CDH13: variants seen among roughly 807,000 people sequenced by gnomAD.
CDH13 encodes the protein cadherin-13.
In CDH13, 24 loss-of-function variants were observed where a neutral mutation model predicts 63.8. The ratio of observed to expected loss-of-function variants is 0.38; its 90% CI spans 0.27 to 0.53. The LOEUF is 0.53. Ranked by LOEUF, CDH13 falls within the 20% of genes least tolerant of loss-of-function variation. The pLI is 0.85. For missense variants in CDH13, 1,049 were observed against 903.1 expected, an observed-to-expected ratio of 1.16 and a Z score of -2.07; for synonymous variants, 503 against 355.3, an observed-to-expected ratio of 1.42 and a Z score of -4.67.
rs1261690451 is a variant in CDH13 at position 83,798,403 on chromosome 16, T to C, written c.*3373T>C. The C allele has an allele frequency of 6.6e-6, 1 of 152,234 alleles. No individual in the cohort carries two copies. The highest frequency in any genetic ancestry group is 2.4e-5 in the African/African-American group (1 of 41,472). The allele number at this position is 152,234 out of a possible 1,614,324, so 9.4% of individuals were successfully genotyped here. On this transcript the variant is annotated 3_prime_UTR_variant, in exon 14 of 14. Coordinates refer to ENST00000567109, the MANE Select transcript of CDH13 (RefSeq NM_001257.5). Reference sequence around the variant, plus strand: ...AAAAGGTGATTAATAATTATAATAATGGTTTATATTTATCAACTGCTTATT... The same window carrying C: ...AAAAGGTGATTAATAATTATAATAACGGTTTATATTTATCAACTGCTTATT...
chr16:82,779,195 C>T (rs1045582118), intron 1 of CDH13, among the ~76,000 whole-genome samples: 5 of 152,170 alleles, frequency 3.3e-5, no homozygotes, highest in African/African-American at 1.2e-4. Context: ...CAAATTTACT[C>T]CTTAGAAGCT....
intron 10 of CDH13, among the ~76,000 whole-genome samples, chr16:83,679,454 T>G (rs1915226302): frequency 6.6e-6 from 1 of 152,244 alleles, no homozygotes; most frequent in Non-Finnish European, 1.5e-5. Context: ...CAACAGGGAC[T>G]GAGTCAACCA....
chr16:83,653,899 T>G (rs1567485755), intron 8 of CDH13, among the ~76,000 whole-genome samples: 1 of 152,176 alleles, frequency 6.6e-6, no homozygotes, highest in Admixed American at 6.5e-5. Flanking sequence ...CATAAATATT[T>G]GTGGAATGTA....
At chr16:83,772,963 A>G (rs1442608356) in intron 11 of CDH13, 5 of 152,228 alleles carry the variant, frequency 3.3e-5, no homozygotes, top group Non-Finnish European at 5.9e-5. Context: ...GAAACAAACA[A>G]TGGGACGATT....
At chr16:83,320,824 C>G (rs904043570) in intron 5 of CDH13, among the ~76,000 whole-genome samples, 1 of 152,172 alleles carries the variant, frequency 6.6e-6, no homozygotes, top group South Asian at 2.1e-4. Context: ...CCCATTAGAT[C>G]TCTGGCTTAG....
chr16:82,987,076 T>C (rs1911036449), intron 2 of CDH13, among the ~76,000 whole-genome samples: 1 of 152,110 alleles, frequency 6.6e-6, no homozygotes, highest in African/African-American at 2.4e-5. Flanking sequence ...ACTCAGGAAA[T>C]GTTTATGGAG....
intron 8 of CDH13, among the ~76,000 whole-genome samples, chr16:83,668,285 C>T (rs556304748): frequency 2.6e-4 from 40 of 152,324 alleles, no homozygotes; most frequent in Middle Eastern, 3.4e-3. Flanking sequence ...GTGCACCTAG[C>T]ACCATGCAAG....
chr16:82,871,353 C>T (rs1449280539), intron 2 of CDH13, among the ~76,000 whole-genome samples: 2 of 152,076 alleles, frequency 1.3e-5, no homozygotes, highest in Non-Finnish European at 2.9e-5. Context: ...GGAGCCATTT[C>T]AGAAGTCCTG....
chr16:82,815,702 T>C (rs923690034), intron 1 of CDH13, among the ~76,000 whole-genome samples: 1 of 152,164 alleles, frequency 6.6e-6, no homozygotes, highest in Non-Finnish European at 1.5e-5. Flanking sequence ...TCCTCTACCA[T>C]GAAGAACAGT....
At chr16:82,907,278 C>T (rs1254008237) in intron 2 of CDH13, among the ~76,000 whole-genome samples, 8 of 152,100 alleles carry the variant, frequency 5.3e-5, no homozygotes, top group South Asian at 2.1e-4. Context: ...GAAGGGGTGG[C>T]CCACAGTGAC....
chr16:83,150,089 G>A (rs981702308), intron 4 of CDH13, among the ~76,000 whole-genome samples: 1 of 152,142 alleles, frequency 6.6e-6, no homozygotes, highest in East Asian at 1.9e-4. Context: ...AGATAAGAGA[G>A]GTTTGTAAGC....
chr16:83,306,886 G>A (rs773350157), intron 5 of CDH13, among the ~76,000 whole-genome samples: 3 of 152,152 alleles, frequency 2.0e-5, no homozygotes, highest in Non-Finnish European at 4.4e-5. Flanking sequence ...ATAGCAACAC[G>A]AAATGGGCTA....
intron 4 of CDH13, among the ~76,000 whole-genome samples, chr16:83,140,842 C>T (rs948413339): frequency 6.6e-6 from 1 of 152,198 alleles, no homozygotes; most frequent in Non-Finnish European, 1.5e-5. Context: ...GTTTCTCCCT[C>T]CTGGGAACGG....
intron 3 of CDH13, among the ~76,000 whole-genome samples, chr16:83,068,514 C>G (rs1025331039): frequency 6.6e-6 from 1 of 152,152 alleles, no homozygotes; most frequent in Non-Finnish European, 1.5e-5. Context: ...GTACAATTCT[C>G]ACACTCGTTG....
intron 1 of CDH13, among the ~76,000 whole-genome samples, chr16:82,698,625 A>G (rs1174499437): frequency 6.6e-6 from 1 of 152,200 alleles, no homozygotes; most frequent in Non-Finnish European, 1.5e-5. Flanking sequence ...GCTCAATTCT[A>G]CAGGTGATTT....
chr16:82,695,895 C>A (rs182361725), intron 1 of CDH13, among the ~76,000 whole-genome samples: 397 of 152,284 alleles, frequency 2.6e-3, no homozygotes, highest in African/African-American at 9.0e-3. Flanking sequence ...TCAACCATAA[C>A]CCATTTAAAG....
At chr16:82,903,851 G>T (rs2041552644) in intron 2 of CDH13, among the ~76,000 whole-genome samples, 1 of 152,170 alleles carries the variant, frequency 6.6e-6, no homozygotes, top group Non-Finnish European at 1.5e-5. Context: ...TGAGAGAGGT[G>T]ATGCAGATTG....
rs150263237 is a variant in CDH13 at position 83,665,005 on chromosome 16, G to A, written c.1102-5785G>A. Among the ~76,000 whole-genome samples, 1,114 of 152,252 alleles carry A rather than the reference G, an allele frequency of 7.3e-3. 20 individuals are homozygous for A. The highest frequency in any genetic ancestry group is 0.025 in the African/African-American group (1,052 of 41,540). ...CAAATATTTATTAAAATGAATTGTT[G>A]TATCTTTCCGCCATGAGATAAATCC... On this transcript the variant is annotated intron_variant, in intron 8 of 13. Coordinates refer to ENST00000567109, the MANE Select transcript of CDH13 (RefSeq NM_001257.5).
intron 5 of CDH13, among the ~76,000 whole-genome samples, chr16:83,275,384 T>C (rs1181138911): frequency 6.6e-6 from 1 of 152,236 alleles, no homozygotes; most frequent in East Asian, 1.9e-4. Context: ...TTTTGGCTGC[T>C]AATTTCCTGT....
Sources: gnomAD v4.1 joint callset for allele counts (sites outside exome capture counted in the v4.1 genomes callset) on GRCh38, gnomAD v4.1.1 for gene constraint, MANE v1.5 for transcripts, NCBI Gene and HGNC (gene_info 2026-07-23, HGNC 2026-07-21) for gene names.